AGBL4: variants seen among roughly 807,000 people sequenced by gnomAD.
AGBL4 encodes cytosolic carboxypeptidase 6.
In AGBL4, 58 loss-of-function variants were observed where a neutral mutation model predicts 66.4. That is an observed-to-expected ratio of 0.87 (90% CI 0.71 to 1.09). The LOEUF is 1.09. Ranked by LOEUF, AGBL4 falls within the 50% of genes least tolerant of loss-of-function variation. The pLI, the probability that AGBL4 is intolerant of heterozygous loss-of-function variation, is 0.00. For synonymous variants in AGBL4, 234 were observed against 222.9 expected, an observed-to-expected ratio of 1.05 and a Z score of -0.44; for missense variants, 579 against 631.0, an observed-to-expected ratio of 0.92 and a Z score of 0.88.
At chr1:49,640,907 G>A (rs1342920457) in intron 3 of AGBL4, among the ~76,000 whole-genome samples, 1 of 152,078 alleles carries the variant, frequency 6.6e-6, no homozygotes, top group South Asian at 2.1e-4. Context: ...CTGTTTGTGT[G>A]AGAATTAAAT....
intron 6 of AGBL4, among the ~76,000 whole-genome samples, chr1:48,802,380 C>T (rs1645829835): frequency 6.6e-6 from 1 of 152,108 alleles, no homozygotes; most frequent in Non-Finnish European, 1.5e-5. Context: ...CCTACCCCAT[C>T]ATGTCATTTA....
At chr1:48,559,674 T>A (rs1169783339) in intron 11 of AGBL4, among the ~76,000 whole-genome samples, 1 of 152,200 alleles carries the variant, frequency 6.6e-6, no homozygotes, top group African/African-American at 2.4e-5. Flanking sequence ...AGAATGAAGA[T>A]CTAATAAGAT....
At chr1:49,201,193 A>G (rs1471602127) in intron 4 of AGBL4, among the ~76,000 whole-genome samples, 1 of 151,988 alleles carries the variant, frequency 6.6e-6, no homozygotes, top group African/African-American at 2.4e-5. Context: ...TCCCCTTCCC[A>G]TTTTCCTTGG....
chr1:49,386,812 G>T (rs1447444073), intron 3 of AGBL4, among the ~76,000 whole-genome samples: 1 of 151,796 alleles, frequency 6.6e-6, no homozygotes, highest in African/African-American at 2.4e-5. Flanking sequence ...ACTTCAAATT[G>T]GCTCTATATT....
intron 3 of AGBL4, among the ~76,000 whole-genome samples, chr1:49,646,552 T>C (rs1645891910): frequency 6.6e-6 from 1 of 151,898 alleles, no homozygotes. Flanking sequence ...AATAGAGAAA[T>C]ACATTGTGTT....
At chr1:48,839,544 A>C (rs1646753174) in intron 6 of AGBL4, among the ~76,000 whole-genome samples, 1 of 152,130 alleles carries the variant, frequency 6.6e-6, no homozygotes, top group Non-Finnish European at 1.5e-5. Context: ...GGAGGTAGTA[A>C]ATAAAATGGT....
At chr1:49,751,807 T>C (rs1651489827) in intron 2 of AGBL4, among the ~76,000 whole-genome samples, 2 of 152,164 alleles carry the variant, frequency 1.3e-5, no homozygotes, top group South Asian at 4.1e-4. Context: ...TAGTCTTAGG[T>C]GATGTATGTG....
intron 3 of AGBL4, among the ~76,000 whole-genome samples, chr1:49,424,259 A>T (rs1645610405): frequency 6.6e-6 from 1 of 152,194 alleles, no homozygotes; most frequent in Non-Finnish European, 1.5e-5. Context: ...ACAAAGAAAC[A>T]AACAGTTAAA....
At chr1:49,120,706 C>T (rs1416337124) in intron 4 of AGBL4, among the ~76,000 whole-genome samples, 1 of 152,100 alleles carries the variant, frequency 6.6e-6, no homozygotes, top group Non-Finnish European at 1.5e-5. Context: ...TCTCAAGGAG[C>T]ATCTTTGTGG....
At chr1:48,783,261 A>G (rs984057909) in intron 6 of AGBL4, among the ~76,000 whole-genome samples, 9 of 152,190 alleles carry the variant, frequency 5.9e-5, no homozygotes, top group African/African-American at 1.9e-4. Context: ...TGAGCTGTGT[A>G]GTCACACCAT....
chr1:49,414,603 G>T (rs1645388360), intron 3 of AGBL4, among the ~76,000 whole-genome samples: 1 of 152,178 alleles, frequency 6.6e-6, no homozygotes, highest in Admixed American at 6.5e-5. Flanking sequence ...CGAGGTTAAT[G>T]CTCTAGTCTC....
intron 2 of AGBL4, among the ~76,000 whole-genome samples, chr1:49,826,435 T>A (rs1462418703): frequency 6.6e-6 from 1 of 152,188 alleles, no homozygotes; most frequent in African/African-American, 2.4e-5. Flanking sequence ...GAGTGACAAA[T>A]CGAAGACTAA....
intron 3 of AGBL4, among the ~76,000 whole-genome samples, chr1:49,562,477 A>AT (rs1260790297): frequency 2.0e-5 from 3 of 152,118 alleles, no homozygotes; most frequent in Admixed American, 1.3e-4. Flanking sequence ...TCTTGAATTA[A>AT]TTTTTGTATA....
chr1:49,778,594 A>T (rs1571547094), intron 2 of AGBL4, among the ~76,000 whole-genome samples: 1 of 152,194 alleles, frequency 6.6e-6, no homozygotes, highest in African/African-American at 2.4e-5. Context: ...GAAGTGTTTT[A>T]TAAGAGTAAA....
intron 4 of AGBL4, among the ~76,000 whole-genome samples, chr1:49,054,411 A>T (rs551800217): frequency 1.3e-4 from 20 of 152,164 alleles, no homozygotes; most frequent in African/African-American, 4.8e-4. Flanking sequence ...TAAAGAAAAA[A>T]TTATTTTAGG....
rs1008624239 is a variant in AGBL4, at chr1:48,989,362, GT to G, written c.594+56221del. On this transcript the variant is annotated intron_variant, in intron 5 of 13. Transcript: ENST00000371839. The stretch of plus-strand genomic sequence containing the variant: ...CCATCACCTTAAGCATTTATCTTTT[GT>G]TTTTCAAACAATTCAATTATACTTT... 5.3e-5 allele frequency among the ~76,000 whole-genome samples: 8 copies of G among 152,008 alleles called. No homozygotes were observed. In the East Asian group the frequency reaches 1.5e-3, roughly 29 times the overall value.
At chr1:49,326,581 G>A (rs1645232224) in intron 3 of AGBL4, among the ~76,000 whole-genome samples, 1 of 152,018 alleles carries the variant, frequency 6.6e-6, no homozygotes, top group African/African-American at 2.4e-5. Context: ...AATAAAATGG[G>A]GAGGAACCCA....
rs1647170941 is a variant in AGBL4, at chr1:48,722,663, T to A, written c.635-59422A>T. ...TAGCCAAAAAGAGAGAATAGAGGAC[T>A]GGTAACATTTCCCTCACCACATACT... On this transcript the variant is annotated intron_variant, in intron 6 of 13. Transcript: ENST00000371839. Among the ~76,000 whole-genome samples, 4 of 152,188 alleles carry A rather than the reference T, an allele frequency of 2.6e-5. No individual in the cohort carries two copies. The South Asian group carries it at 6.2e-4, about 24-fold the overall frequency.
chr1:49,036,663 C>T (rs1456873582), intron 5 of AGBL4, among the ~76,000 whole-genome samples: 3 of 151,780 alleles, frequency 2.0e-5, no homozygotes, highest in Non-Finnish European at 4.4e-5. Context: ...CTCCTGGGCT[C>T]AAGCAATCTC....
Sources: gnomAD v4.1 joint callset for allele counts (sites outside exome capture counted in the v4.1 genomes callset) on GRCh38, gnomAD v4.1.1 for gene constraint, MANE v1.5 for transcripts, NCBI Gene and HGNC (gene_info 2026-07-23, HGNC 2026-07-21) for gene names.